NELL2: variants seen among roughly 807,000 people sequenced by gnomAD.
NELL2 encodes protein kinase C-binding protein NELL2.
A neutral mutation model predicts 109.6 loss-of-function variants in NELL2; 41 were observed. The ratio of observed to expected loss-of-function variants is 0.37; its 90% CI spans 0.29 to 0.49. NELL2 has a LOEUF of 0.49. Ranked by LOEUF, NELL2 falls within the 20% of genes least tolerant of loss-of-function variation. The pLI is 0.98. For missense variants in NELL2, 900 were observed against 1,008.3 expected (o/e 0.89, Z 1.45); for synonymous variants, 355 against 344.7 (o/e 1.03, Z -0.33).
intron 1 of NELL2, among the ~76,000 whole-genome samples, chr12:44,903,213 CA>C (rs1185595535): frequency 2.6e-5 from 4 of 152,102 alleles, no homozygotes; most frequent in African/African-American, 9.7e-5. Context: ...ATACCCCCAT[CA>C]AAAAGTGGGC....
intron 9 of NELL2, among the ~76,000 whole-genome samples, chr12:44,715,259 T>A (rs1190348269): frequency 6.7e-6 from 1 of 149,494 alleles, no homozygotes; most frequent in Non-Finnish European, 1.5e-5. Flanking sequence ...TAAGTATGTA[T>A]GGGTTAGGGC....
intron 12 of NELL2, among the ~76,000 whole-genome samples, chr12:44,666,843 T>C (rs1248905963): frequency 6.6e-6 from 1 of 152,144 alleles, no homozygotes; most frequent in Non-Finnish European, 1.5e-5. Context: ...CACTCCCTTC[T>C]CCCCTCTCAG....
intron 2 of NELL2, among the ~76,000 whole-genome samples, chr12:44,870,608 T>A (rs1156971145): frequency 6.6e-6 from 1 of 152,080 alleles, no homozygotes; most frequent in Non-Finnish European, 1.5e-5. Context: ...GAAAACTCAT[T>A]TTCTTGCCTT....
intron 1 of NELL2, among the ~76,000 whole-genome samples, chr12:44,882,106 C>A (rs1945418034): frequency 6.6e-6 from 1 of 151,634 alleles, no homozygotes; most frequent in South Asian, 2.1e-4. Flanking sequence ...TGCCAATAGA[C>A]CTACTCTAAA....
At chr12:44,825,153 T>C (rs1231839506) in intron 2 of NELL2, among the ~76,000 whole-genome samples, 1 of 152,152 alleles carries the variant, frequency 6.6e-6, no homozygotes, top group Non-Finnish European at 1.5e-5. Context: ...GAATATGTCA[T>C]TGAAATTTTA....
rs1253454545 is a variant in NELL2, at chr12:44,911,325, T to C, written c.38+2474A>G. 2.6e-5 allele frequency among the ~76,000 whole-genome samples: 4 copies of C among 152,042 alleles called. No homozygotes were observed. In the East Asian group the frequency reaches 7.7e-4, roughly 29 times the overall value. On this transcript the variant is annotated intron_variant, in intron 1 of 20. Coordinates refer to the NELL2 transcript ENST00000333837. ...AATCATTCTGAACATTGATTAGTCT[T>C]ATTCAATTTCAAGAAGACTATTAAA...
intron 1 of NELL2, among the ~76,000 whole-genome samples, chr12:44,891,856 C>T (rs1945538248): frequency 6.6e-6 from 1 of 152,186 alleles, no homozygotes. Context: ...AATATGGTTC[C>T]ATCCCCTGCC....
At chr12:44,715,756 G>C (rs1197584455) in intron 9 of NELL2, among the ~76,000 whole-genome samples, 1 of 152,038 alleles carries the variant, frequency 6.6e-6, no homozygotes, top group African/African-American at 2.4e-5. Flanking sequence ...CTGGCAATTT[G>C]TTCCCCAAAT....
intron 9 of NELL2, among the ~76,000 whole-genome samples, chr12:44,771,096 A>C (rs1566355498): frequency 6.6e-6 from 1 of 152,056 alleles, no homozygotes. Flanking sequence ...AGGTCACCTA[A>C]AATATTTATA....
chr12:44,773,567 T>A (rs1941635017), intron 9 of NELL2, among the ~76,000 whole-genome samples: 1 of 152,204 alleles, frequency 6.6e-6, no homozygotes, highest in Admixed American at 6.5e-5. Context: ...TGGTCCTTCT[T>A]CCTTCCTCTT....
chr12:44,551,009 G>C (rs891160196), intron 15 of NELL2, among the ~76,000 whole-genome samples: 2 of 151,926 alleles, frequency 1.3e-5, no homozygotes, highest in African/African-American at 4.8e-5. Flanking sequence ...TATGTTAAAG[G>C]GTTCTTACCA....
intron 15 of NELL2, among the ~76,000 whole-genome samples, chr12:44,544,663 T>A (rs142673293): frequency 1.3e-3 from 191 of 152,204 alleles, no homozygotes; most frequent in African/African-American, 3.8e-3. Flanking sequence ...ACATAAAATA[T>A]ATATTTAAAA....
intron 15 of NELL2, among the ~76,000 whole-genome samples, chr12:44,572,244 C>A (rs997336796): frequency 6.6e-6 from 1 of 152,092 alleles, no homozygotes; most frequent in South Asian, 2.1e-4. Flanking sequence ...TGTGTCCAAG[C>A]GATTCTTCTG....
chr12:44,813,509 T>TA (rs1943244847), intron 3 of NELL2, among the ~76,000 whole-genome samples: 1 of 152,060 alleles, frequency 6.6e-6, no homozygotes, highest in African/African-American at 2.4e-5. Context: ...ATTTTAAAGG[T>TA]ATAACTAGAA....
chr12:44,616,193 C>A (rs550127184), intron 13 of NELL2, among the ~76,000 whole-genome samples: 9 of 152,254 alleles, frequency 5.9e-5, no homozygotes, highest in African/African-American at 2.2e-4. Context: ...ACATAATATA[C>A]CTTCATAGTC....
intron 3 of NELL2, among the ~76,000 whole-genome samples, chr12:44,801,770 C>T (rs1942836746): frequency 6.6e-6 from 1 of 152,126 alleles, no homozygotes; most frequent in South Asian, 2.1e-4. Flanking sequence ...CACTTCCATG[C>T]ACCTAAGAAG....
chr12:44,734,475 A>G (rs1033128757), intron 9 of NELL2, among the ~76,000 whole-genome samples: 1 of 151,716 alleles, frequency 6.6e-6, no homozygotes, highest in Non-Finnish European at 1.5e-5. Context: ...CAACAAATAT[A>G]TTCAATTTTT....
At chr12:44,517,203 A>G (rs1225050803) in intron 19 of NELL2, among the ~76,000 whole-genome samples, 1 of 152,072 alleles carries the variant, frequency 6.6e-6, no homozygotes, top group East Asian at 1.9e-4. Context: ...TCCTGATCAT[A>G]TATTAAAAGC....
chr12:44,876,653 C>A, upstream of NELL2: 2 of 1,551,406 alleles, frequency 1.3e-6, no homozygotes, highest in Middle Eastern at 1.7e-4. Flanking sequence ...AGAAAAAAGA[C>A]CACCCAGCTG....
Sources: allele counts gnomAD v4.1 joint callset (sites outside exome capture counted in the v4.1 genomes callset), GRCh38; gene constraint gnomAD v4.1.1; transcripts MANE v1.5; gene names NCBI Gene and HGNC (gene_info 2026-07-23, HGNC 2026-07-21).